The following A3GALT2 variants were observed in gnomAD, a reference collection of about 807,000 sequenced individuals.
A3GALT2 encodes the protein alpha 1,3-galactosyltransferase 2, also known as alpha-1,3-galactosyltransferase 2.
In A3GALT2, 14 loss-of-function variants were observed where a neutral mutation model predicts 16.6. The ratio of observed to expected loss-of-function variants is 0.84; its 90% CI spans 0.56 to 1.32. The LOEUF (loss-of-function observed/expected upper bound fraction) is 1.32, where lower values mean the gene tolerates loss of function less well. Among genes scored for constraint, A3GALT2 ranks in the 40% most tolerant of loss-of-function variants. The pLI is 0.00. For synonymous variants in A3GALT2, 253 were observed against 218.0 expected (o/e 1.16, Z -1.42); for missense variants, 600 against 490.9 (o/e 1.22, Z -2.10).
chr1:33,313,175 G>GGTTT (rs1646243836), intron 1 of A3GALT2: 7 of 90,650 alleles, frequency 7.7e-5, no homozygotes, highest in South Asian at 7.3e-4. Flanking sequence ...CAGTGACGGA[G>GGTTT]TTTTTTTTTT....
Position 33,307,200 on chromosome 1 carries a change from A to G in A3GALT2, c.589T>C (p.Cys197Arg), listed in dbSNP as rs1024614290. The change falls in exon 5 of 5, where the codon TGC becomes CGC. Residue 197 changes from cysteine to arginine, a missense_variant. Coordinates refer to ENST00000442999, the MANE Select transcript of A3GALT2 (RefSeq NM_001080438.1). ...LPGREAHFMFCMDVDQHFSGT... is the reference protein window; with the variant it reads ...LPGREAHFMFRMDVDQHFSGT... ...CTGAAGTGCTGGTCCACGTCCATGC[A>G]GAACATGAAGTGCGCCTCGCGGCCC... 2.6e-6 allele frequency: 4 copies of G among 1,523,894 alleles called. No homozygotes were observed. The African/African-American group carries it at 4.3e-5, about 16-fold the overall frequency. The allele number at this position is 1,523,894 out of a possible 1,614,324, so 94.4% of individuals were successfully genotyped here. A position where few individuals can be genotyped will look rare whatever the true frequency, so the allele number is the denominator to read the frequency against.
At chr1:33,313,692 G>GT (rs1368244542) in intron 1 of A3GALT2, 1 of 152,202 alleles carries the variant, frequency 6.6e-6, no homozygotes, top group Non-Finnish European at 1.5e-5. Flanking sequence ...GAGTACTCAC[G>GT]TATCTAGAGC....
chr1:33,312,219 T>C lies in A3GALT2; in HGVS notation c.198-30A>G, dbSNP rs1424179660. ...CCAGGGCAGGGATGGGAAATGGAAATAGCTCCATTCATCCACCCACTTGGT... is the reference window on the plus strand; with the variant it reads ...CCAGGGCAGGGATGGGAAATGGAAACAGCTCCATTCATCCACCCACTTGGT... On this transcript the variant is annotated intron_variant, in intron 3 of 4. Transcript: ENST00000442999. The C allele has an allele frequency of 4.3e-6, 7 of 1,611,002 alleles. No homozygotes were observed. In the African/African-American group the frequency reaches 6.7e-5, roughly 15 times the overall value.
Position 33,307,159 on chromosome 1 carries a change from G to A in A3GALT2, c.630C>T (p.Pro210=). Residue 210 remains proline, a synonymous_variant, in exon 5 of 5, where the codon CCC becomes CCT. Coordinates refer to ENST00000442999, the MANE Select transcript of A3GALT2 (RefSeq NM_001080438.1). ...VDQHFSGTFG[P]EALAESVAQL... ...GCGCCACCGACTCGGCCAGCGCCTCGGGCCCAAAAGTGCCGCTGAAGTGCT... is the reference window on the plus strand; with the variant it reads ...GCGCCACCGACTCGGCCAGCGCCTCAGGCCCAAAAGTGCCGCTGAAGTGCT... The A allele has an allele frequency of 3.9e-6, 6 of 1,553,418 alleles. No individual in the cohort carries two copies. The highest frequency in any genetic ancestry group is 5.2e-6 in the Non-Finnish European group (6 of 1,153,082).
At chr1:33,308,565 C>A (rs1053969997) in intron 4 of A3GALT2, among the ~76,000 whole-genome samples, 7 of 151,916 alleles carry the variant, frequency 4.6e-5, no homozygotes, top group Non-Finnish European at 8.8e-5. Context: ...CCACCACGCC[C>A]GGCCAATTTT....
chr1:33,315,547 T>G (rs1453565296), intron 1 of A3GALT2, among the ~76,000 whole-genome samples: 2 of 152,088 alleles, frequency 1.3e-5, no homozygotes. Context: ...CCTGTCTTGA[T>G]TTTAAAAATA....
intron 1 of A3GALT2, among the ~76,000 whole-genome samples, chr1:33,315,308 G>T (rs1470741032): frequency 1.3e-5 from 2 of 151,914 alleles, no homozygotes; most frequent in Non-Finnish European, 2.9e-5. Flanking sequence ...CTTGAACTTG[G>T]GAGGCGGAGG....
In A3GALT2 at chr1:33,313,170, A is replaced by AAT. The variant is rs72510638; in HGVS notation, c.24-281_24-280insAT. ...ATGCACAAGTGTTTGTGGCTCAGTG[A>AAT]CGGAGTTTTTTTTTTTTTTTTTTTT... On this transcript the variant is annotated intron_variant, in intron 1 of 4. Coordinates refer to ENST00000442999, the MANE Select transcript of A3GALT2 (RefSeq NM_001080438.1). Among the ~76,000 whole-genome samples, 6 of 452 alleles carry AAT rather than the reference A, an allele frequency of 0.013. 3 individuals are homozygous for AAT. In the Admixed American group the frequency reaches 0.17, roughly 13 times the overall value. 0.3% of individuals were successfully genotyped at this position (452 alleles called of 152,430 possible).
In A3GALT2 at chr1:33,320,990, G is replaced by T. The variant is rs1211988491; in HGVS notation, c.23+86C>A. On this transcript the variant is annotated intron_variant, in intron 1 of 4. Coordinates refer to ENST00000442999, the MANE Select transcript of A3GALT2 (RefSeq NM_001080438.1). This position sits in a 1 kb window ranked among gnomAD's most constrained non-coding sequence, Gnocchi z 4.3. ...TGGGCTCACTCTGGTGCCTCCCCTTGGTACTGTTTTAGCCATCAGACTGGA... is the reference window on the plus strand; with the variant it reads ...TGGGCTCACTCTGGTGCCTCCCCTTTGTACTGTTTTAGCCATCAGACTGGA... 32 of 1,557,700 alleles carry T rather than the reference G, an allele frequency of 2.1e-5. No homozygotes were observed. The highest frequency in any genetic ancestry group is 1.7e-5 in the Admixed American group (1 of 58,122).
At chr1:33,317,372 TCTC>T (rs1646266180) in intron 1 of A3GALT2, among the ~76,000 whole-genome samples, 1 of 152,236 alleles carries the variant, frequency 6.6e-6, no homozygotes, top group Non-Finnish European at 1.5e-5. Flanking sequence ...TTTCTTATTT[TCTC>T]CTCAATTTTC....
At chr1:33,315,162 T>C (rs748295219) in intron 1 of A3GALT2, among the ~76,000 whole-genome samples, 7 of 152,006 alleles carry the variant, frequency 4.6e-5, no homozygotes, top group Non-Finnish European at 1.0e-4. Context: ...AGCGGGTGGA[T>C]CACAAGGTCA....
intron 1 of A3GALT2, among the ~76,000 whole-genome samples, chr1:33,315,062 CG>C (rs1411753231): frequency 6.6e-6 from 1 of 151,786 alleles, no homozygotes; most frequent in Non-Finnish European, 1.5e-5. Flanking sequence ...GCCCGGGCAA[CG>C]GAGCAAGACC....
chr1:33,311,254 C>T (rs2148159205), intron 4 of A3GALT2, among the ~76,000 whole-genome samples: 1 of 152,294 alleles, frequency 6.6e-6, no homozygotes, highest in South Asian at 2.1e-4. Context: ...GTGGGGAGGT[C>T]AGCACCCCGC....
At chr1:33,311,358 A>G (rs186464926) in intron 4 of A3GALT2, among the ~76,000 whole-genome samples, 10 of 151,364 alleles carry the variant, frequency 6.6e-5, no homozygotes, top group East Asian at 1.9e-4. Flanking sequence ...TCCCATGGCT[A>G]CTCCCTCAAC....
intron 1 of A3GALT2, among the ~76,000 whole-genome samples, chr1:33,318,608 A>G (rs558389758): frequency 4.0e-5 from 6 of 151,834 alleles, no homozygotes; most frequent in Non-Finnish European, 7.4e-5. Flanking sequence ...CCGAGTCTCC[A>G]TCTTTTACCC....
rs1242404413 is a variant in A3GALT2 at position 33,320,504 on chromosome 1, A to G, written c.23+572T>C. On this transcript the variant is annotated intron_variant, in intron 1 of 4. Transcript: ENST00000442999. This position sits in a 1 kb window ranked among gnomAD's most constrained non-coding sequence, Gnocchi z 4.3. The stretch of plus-strand genomic sequence containing the variant: ...CCCACCAGCTCCTCCTGCCCCTCCT[A>G]TGCCCCAGCCTGGGAGCCCGTGGTC... Among the ~76,000 whole-genome samples the G allele has an allele frequency of 2.0e-5, 3 of 151,886 alleles. No individual in the cohort carries two copies. Among genetic ancestry groups the G allele is most frequent in the African/African-American group, 7.2e-5 (3 of 41,414 alleles).
At position 33,306,892 on chromosome 1, in the gene A3GALT2, C is replaced by A; in HGVS notation, c.897G>T (p.Trp299Cys). The change falls in exon 5 of 5, where the codon TGG (tryptophan) becomes TGT (cysteine). Residue 299 changes from tryptophan (W) to cysteine (C), a missense_variant. Coordinates refer to ENST00000442999, the MANE Select transcript of A3GALT2 (RefSeq NM_001080438.1). ...HDESHLNKFF[W>C]LHKPAKVLSP... Reference sequence around the variant, plus strand: ...ACAGCACCTTGGCGGGCTTGTGCAGCCAGAAGAACTTGTTGAGGTGGCTCT... The same window carrying A: ...ACAGCACCTTGGCGGGCTTGTGCAGACAGAAGAACTTGTTGAGGTGGCTCT... The A allele has an allele frequency of 6.6e-7, 1 of 1,522,966 alleles. No individual in the cohort carries two copies. The allele number at this position is 1,522,966 out of a possible 1,614,324, so 94.3% of individuals were successfully genotyped here.
chr1:33,312,462 GGGGGTGC>G (rs1646238705), intron 3 of A3GALT2, 32 bp downstream of exon 3: 1 of 1,521,832 alleles, frequency 6.6e-7, no homozygotes, highest in Admixed American at 2.0e-5. Flanking sequence ...TGTAGGGTTT[GGGGGTGC>G]CCTTGGAGTA....
Position 33,307,254 on chromosome 1 carries a change from T to G in A3GALT2, c.535A>C (p.Thr179Pro). Residue 179 changes from threonine to proline, a missense_variant, in exon 5 of 5, where the codon ACG becomes CCG. By Grantham distance (38) the Thr-to-Pro change is conservative. Coordinates refer to ENST00000442999, the MANE Select transcript of A3GALT2 (RefSeq NM_001080438.1). ...WQDVSMARMRTLHAALGGLPG... is the reference protein window; with the variant it reads ...WQDVSMARMRPLHAALGGLPG... ...AGCCCGCCCAGCGCCGCGTGCAACGTGCGCATGCGCGCCATCGACACGTCT... is the reference window on the plus strand; with the variant it reads ...AGCCCGCCCAGCGCCGCGTGCAACGGGCGCATGCGCGCCATCGACACGTCT... The G allele has an allele frequency of 6.8e-7, 1 of 1,469,260 alleles. No individual in the cohort carries two copies. Among genetic ancestry groups the G allele is most frequent in the Non-Finnish European group, 9.0e-7 (1 of 1,112,388 alleles). 91.0% of individuals were successfully genotyped at this position (1,469,260 alleles called of 1,614,324 possible). A position where few individuals can be genotyped will look rare whatever the true frequency, so the allele number is the denominator to read the frequency against.
Sources: allele counts gnomAD v4.1 joint callset (sites outside exome capture counted in the v4.1 genomes callset), GRCh38; gene constraint gnomAD v4.1.1; non-coding constraint Gnocchi (gnomAD v3.1); transcripts MANE v1.5; gene names NCBI Gene and HGNC (gene_info 2026-07-23, HGNC 2026-07-21).